The following ATP2B2 variants were observed in gnomAD, a reference collection of about 807,000 sequenced individuals.
ATP2B2 encodes plasma membrane calcium-transporting ATPase 2.
A neutral mutation model predicts 120.0 loss-of-function variants in ATP2B2; 15 were observed. That is an observed-to-expected ratio of 0.12 (90% confidence interval 0.08 to 0.19). ATP2B2 has a LOEUF of 0.19. Among genes scored for constraint, ATP2B2 ranks in the 10% least tolerant of loss-of-function variants. ATP2B2 has a pLI of 1.00. For missense variants in ATP2B2, 1,045 were observed against 1,719.8 expected, an observed-to-expected ratio of 0.61 and a Z score of 6.94; for synonymous variants, 694 against 700.3, an observed-to-expected ratio of 0.99 and a Z score of 0.14.
intron 2 of ATP2B2, among the ~76,000 whole-genome samples, chr3:10,433,792 C>G (rs1259981323): frequency 6.6e-6 from 1 of 152,208 alleles, no homozygotes; most frequent in Non-Finnish European, 1.5e-5. Flanking sequence ...AATGTCACCT[C>G]CACAAGGAAG....
Position 10,396,853 on chromosome 3 carries a change from G to T in ATP2B2, c.781+4100C>A, listed in dbSNP as rs527571251. Among the ~76,000 whole-genome samples the T allele has an allele frequency of 9.2e-5, 14 of 152,190 alleles. No homozygotes were observed. The East Asian group carries it at 1.6e-3, about 17-fold the overall frequency. On this transcript the variant is annotated intron_variant, in intron 5 of 22. Coordinates refer to ENST00000360273, the MANE Select transcript of ATP2B2 (RefSeq NM_001001331.4). ...ATGAGCTGGGGCTATAATCAGAAAG[G>T]GGGGGAAGCTTGTTGGGGGTCCCTG...
intron 1 of ATP2B2, among the ~76,000 whole-genome samples, chr3:10,489,247 C>T (rs189379263): frequency 7.2e-5 from 11 of 152,302 alleles, no homozygotes; most frequent in Admixed American, 2.0e-4. Context: ...TTCTCCTTGA[C>T]GATCCACTCA....
At chr3:10,350,896 A>G (rs1335601241) in intron 14 of ATP2B2, among the ~76,000 whole-genome samples, 1 of 152,204 alleles carries the variant, frequency 6.6e-6, no homozygotes, top group African/African-American at 2.4e-5. Flanking sequence ...CTGGGCGAAG[A>G]CTTTGGAAAG....
chr3:10,581,152 G>A (rs1404473565), intron 2 of ATP2B2, among the ~76,000 whole-genome samples: 3 of 152,198 alleles, frequency 2.0e-5, no homozygotes, highest in Non-Finnish European at 4.4e-5. Context: ...AGGCAGCAGG[G>A]CCAGGATTTG....
At chr3:10,693,619 C>G (rs1401659224) in intron 1 of ATP2B2, among the ~76,000 whole-genome samples, 1 of 152,226 alleles carries the variant, frequency 6.6e-6, no homozygotes, top group Non-Finnish European at 1.5e-5. Flanking sequence ...TGATATGTTC[C>G]AGAGATAGAA....
At chr3:10,656,361 T>C (rs1362458568) in intron 1 of ATP2B2, among the ~76,000 whole-genome samples, 1 of 152,216 alleles carries the variant, frequency 6.6e-6, no homozygotes, top group African/African-American at 2.4e-5. Context: ...CCAACCTGTC[T>C]AGCTCTCAAC....
chr3:10,697,336 T>A (rs954538764), intron 1 of ATP2B2, among the ~76,000 whole-genome samples: 5 of 152,232 alleles, frequency 3.3e-5, no homozygotes, highest in East Asian at 1.9e-4. Context: ...GTAAGTCAGA[T>A]CCTATGACCT....
intron 2 of ATP2B2, among the ~76,000 whole-genome samples, chr3:10,609,195 C>T (rs1158728837): frequency 6.6e-6 from 1 of 151,994 alleles, no homozygotes; most frequent in Non-Finnish European, 1.5e-5. Flanking sequence ...CACTTACCCT[C>T]CTGGGTGTGT....
intron 1 of ATP2B2, among the ~76,000 whole-genome samples, chr3:10,458,120 C>T (rs12492242): frequency 0.24 from 35,463 of 149,788 alleles, 4,548 homozygotes; most frequent in Admixed American, 0.31. Context: ...TCTGCTTGAC[C>T]ATTAGCTGTC....
Position 10,359,987 on chromosome 3 carries a change from A to G in ATP2B2, c.1796T>C (p.Val599Ala). ...CTTGCGCACGGAGTTGAAGGTGTAC[A>G]CTTTGTACAACTTCTCCTCTGGCAT... ...SQMPEEKLYK[V>A]YTFNSVRKSM... is the part of the protein sequence containing the mutation. Residue 599 changes from valine (V) to alanine (A), a missense_variant, in exon 13 of 23, where the codon GTG (valine) becomes GCG (alanine). Transcript: ENST00000360273. The G allele has an allele frequency of 6.2e-7, 1 of 1,614,192 alleles. No homozygotes were observed. Among genetic ancestry groups the G allele is most frequent in the Non-Finnish European group, 8.5e-7 (1 of 1,180,014 alleles).
intron 1 of ATP2B2, among the ~76,000 whole-genome samples, chr3:10,487,060 A>G (rs1193237668): frequency 6.6e-6 from 1 of 152,208 alleles, no homozygotes; most frequent in Admixed American, 6.5e-5. Context: ...GTTATTAATG[A>G]GAACTCCTCT....
intron 2 of ATP2B2, among the ~76,000 whole-genome samples, chr3:10,411,864 C>T (rs1327382293): frequency 1.3e-5 from 2 of 152,186 alleles, no homozygotes; most frequent in South Asian, 2.1e-4. Context: ...TAGCCAGGTG[C>T]ACCCCTCATC....
rs79271156 is a variant in ATP2B2, at chr3:10,521,311, A to G, written c.-320+12728T>C. Among the ~76,000 whole-genome samples the G allele has an allele frequency of 8.5e-5, 13 of 152,364 alleles. No individual in the cohort carries two copies. The East Asian group carries it at 2.5e-3, about 29-fold the overall frequency. The stretch of plus-strand genomic sequence containing the variant: ...CTGGAGGCATCAGAGAAGCCCCCAT[A>G]AACAATCAGTCAAGTAACAGTGAAG... On this transcript the variant is annotated intron_variant, in intron 3 of 21. Transcript: ENST00000646379.
At position 10,428,193 on chromosome 3, in the gene ATP2B2, G is replaced by A. The variant is rs548360421; in HGVS notation, c.200-17378C>T. ...CATCTGAAAAAAGGGGATTATACTC[G>A]AACCCTAGAACCCATCTCGCTGAGT... On this transcript the variant is annotated intron_variant, in intron 2 of 22. Coordinates refer to ENST00000360273, the MANE Select transcript of ATP2B2 (RefSeq NM_001001331.4). Among the ~76,000 whole-genome samples, 14 of 152,230 alleles carry A rather than the reference G, an allele frequency of 9.2e-5. No homozygotes were observed. The East Asian group carries it at 2.3e-3, about 25-fold the overall frequency.
chr3:10,394,289 A>G (rs73814208), intron 5 of ATP2B2, among the ~76,000 whole-genome samples: 2,755 of 152,198 alleles, frequency 0.018, 96 homozygotes, highest in African/African-American at 0.057. Flanking sequence ...TCCTTCCATT[A>G]TTATTGTTAT....
intron 8 of ATP2B2, among the ~76,000 whole-genome samples, chr3:10,383,066 A>G (rs931746769): frequency 5.3e-5 from 8 of 150,026 alleles, no homozygotes; most frequent in Admixed American, 2.6e-4. Flanking sequence ...TTAATTTTTT[A>G]ATTTTAATTT....
rs573711645 is a variant in ATP2B2, at chr3:10,328,121, T to TTA, written c.*691_*692dup. 0.048 allele frequency: 6,961 copies of TTA among 145,912 alleles called. 211 individuals are homozygous for TTA. The highest frequency in any genetic ancestry group is 0.12 in the South Asian group (546 of 4,660). The allele number at this position is 145,912 out of a possible 1,614,324, so 9.0% of individuals were successfully genotyped here. A position where few individuals can be genotyped will look rare whatever the true frequency, so the allele number is the denominator to read the frequency against. ...ACTTTATATATCCATGTATATATAT[T>TTA]TATATATATATATATATATCTACCT... On this transcript the variant is annotated 3_prime_UTR_variant, in exon 23 of 23. Coordinates refer to ENST00000360273, the MANE Select transcript of ATP2B2 (RefSeq NM_001001331.4).
chr3:10,394,474 G>A (rs1447219334), intron 5 of ATP2B2: 1 of 471,142 alleles, frequency 2.1e-6, no homozygotes, highest in Non-Finnish European at 4.4e-6. Flanking sequence ...TGTGAGTGGT[G>A]GAGCCGGGAC....
intron 2 of ATP2B2, among the ~76,000 whole-genome samples, chr3:10,411,148 T>C (rs2062597461): frequency 6.6e-6 from 1 of 152,292 alleles, no homozygotes; most frequent in South Asian, 2.1e-4. Flanking sequence ...GTCTGGGCCC[T>C]AAATGCAATG....
Sources: allele counts gnomAD v4.1 joint callset (sites outside exome capture counted in the v4.1 genomes callset), GRCh38; gene constraint gnomAD v4.1.1; transcripts MANE v1.5; gene names NCBI Gene and HGNC (gene_info 2026-07-23, HGNC 2026-07-21).